Variants in CYTL1 observed in about 807,000 individuals in gnomAD.
CYTL1 encodes the protein cytokine-like protein 1.
In CYTL1, 17 loss-of-function variants were observed where a neutral mutation model predicts 13.1. The ratio of observed to expected loss-of-function variants is 1.29; its 90% confidence interval spans 0.89 to 1.94. The LOEUF is 1.94. CYTL1 is among the 30% of genes most tolerant of loss of function. The probability of loss-of-function intolerance (pLI) is 0.00; values close to 1 mark genes in which losing one functional copy is unlikely to be tolerated. For missense variants in CYTL1, 213 were observed against 174.8 expected (o/e 1.22, Z -1.23); for synonymous variants, 91 against 79.4 (o/e 1.15, Z -0.78).
chr4:5,019,266 C>G (rs774487334), intron 1 of CYTL1, 27 bp downstream of exon 1: 158 of 1,451,708 alleles, frequency 1.1e-4, no homozygotes, highest in Non-Finnish European at 1.4e-4. Context: ...GCCATGCACC[C>G]CTGTCCTGAG....
At chr4:5,017,330 C>A (rs1256269360) in intron 1 of CYTL1, 151 bp from the exon 2 acceptor site, 3 of 623,786 alleles carry the variant, frequency 4.8e-6, no homozygotes, top group Non-Finnish European at 8.1e-6. Context: ...TTGTGTCATA[C>A]GTCACACTCC....
In CYTL1 at chr4:5,015,099, G is replaced by A. The variant is rs1741040794; in HGVS notation, c.*52C>T. On this transcript the variant is annotated 3_prime_UTR_variant, in exon 4 of 4. Transcript: ENST00000307746. ...CATGGCTCTGGCCCATTAAGTCTGG[G>A]TAGCTGACATAACTGTAGTTCTCTT... 10 of 1,466,290 alleles carry A rather than the reference G, an allele frequency of 6.8e-6. No individual in the cohort carries two copies. The highest frequency in any genetic ancestry group is 2.3e-5 in the South Asian group (2 of 86,924). The allele number at this position is 1,466,290 out of a possible 1,614,324, so 90.8% of individuals were successfully genotyped here.
In CYTL1 at chr4:5,015,082, T is replaced by C; in HGVS notation, c.*69A>G. 1.6e-6 allele frequency: 2 copies of C among 1,253,534 alleles called. No individual in the cohort carries two copies. Among genetic ancestry groups the C allele is most frequent in the Non-Finnish European group, 2.3e-6 (2 of 856,264 alleles). 77.7% of individuals were successfully genotyped at this position (1,253,534 alleles called of 1,614,324 possible). A position where few individuals can be genotyped will look rare whatever the true frequency, so the allele number is the denominator to read the frequency against. On this transcript the variant is annotated 3_prime_UTR_variant, in exon 4 of 4. Coordinates refer to ENST00000307746, the MANE Select transcript of CYTL1 (RefSeq NM_018659.3). The stretch of plus-strand genomic sequence containing the variant: ...ACAAGACCTGTGAGGGTCATGGCTC[T>C]GGCCCATTAAGTCTGGGTAGCTGAC...
Position 5,014,658 on chromosome 4 carries a change from C to T in CYTL1, c.*493G>A, listed in dbSNP as rs138662360. ...GAAAGAGTGGGTCCTGTCAGCACTA[C>T]GTAAAATATATATCTTAAGAGCATT... On this transcript the variant is annotated 3_prime_UTR_variant, in exon 4 of 4. Coordinates refer to ENST00000307746, the MANE Select transcript of CYTL1 (RefSeq NM_018659.3). 7.7e-5 allele frequency: 13 copies of T among 169,014 alleles called. No homozygotes were observed. Among genetic ancestry groups the T allele is most frequent in the East Asian group, 1.9e-4 (1 of 5,340 alleles). The allele number at this position is 169,014 out of a possible 1,614,324, so 10.5% of individuals were successfully genotyped here. A position where few individuals can be genotyped will look rare whatever the true frequency, so the allele number is the denominator to read the frequency against.
In CYTL1 at chr4:5,016,943, GC is replaced by G; in HGVS notation, c.219del (p.Lys73AsnfsTer17). 6.2e-7 allele frequency: 1 copy of G among 1,614,230 alleles called. No homozygotes were observed. Among genetic ancestry groups the G allele is most frequent in the Non-Finnish European group, 8.5e-7 (1 of 1,180,038 alleles). On this transcript the variant is annotated frameshift_variant, in exon 3 of 4. Coordinates refer to ENST00000307746, the MANE Select transcript of CYTL1 (RefSeq NM_018659.3). LOFTEE classifies it high-confidence loss of function. Reference sequence around the variant, plus strand: ...GGGGGCGAGGCCACAAAGTCCCGCAGCTTGTCCAGCACACAGTAATTCTGGG... The same window carrying G: ...GGGGGCGAGGCCACAAAGTCCCGCAGTTGTCCAGCACACAGTAATTCTGGG... ...LDIHNYCVLD[K>X]LRDFVASPPC...
chr4:5,018,917 A>T (rs1741133276), intron 1 of CYTL1, among the ~76,000 whole-genome samples: 1 of 151,494 alleles, frequency 6.6e-6, no homozygotes, highest in South Asian at 2.1e-4. Flanking sequence ...CAAAAGCAAT[A>T]CACAAGCTTC....
rs774395590 is a variant in CYTL1, at chr4:5,019,328, G to C, written c.118C>G (p.Arg40Gly). The C allele has an allele frequency of 6.6e-6, 10 of 1,513,460 alleles. No homozygotes were observed. In the South Asian group the frequency reaches 7.7e-5, roughly 12 times the overall value. The allele number at this position is 1,513,460 out of a possible 1,614,324, so 93.8% of individuals were successfully genotyped here. A position where few individuals can be genotyped will look rare whatever the true frequency, so the allele number is the denominator to read the frequency against. The change falls in exon 1 of 4, where the codon CGC (arginine) becomes GGC (glycine). Residue 40 changes from arginine (R) to glycine (G), a missense_variant. Transcript: ENST00000307746. ...RMRALSQEIT[R>G]DFNLLQVSEP... ...GAGACCTGCAGGAGGTTGAAGTCGC[G>C]GGTGATCTCCTGGCTCAGGGCCCGC...
chr4:5,015,001 C>T lies in CYTL1; in HGVS notation c.*150G>A, dbSNP rs1345624472. The T allele has an allele frequency of 4.2e-6, 3 of 716,658 alleles. No homozygotes were observed. Among genetic ancestry groups the T allele is most frequent in the African/African-American group, 1.8e-5 (1 of 56,070 alleles). The allele number at this position is 716,658 out of a possible 1,614,324, so 44.4% of individuals were successfully genotyped here. Reference sequence around the variant, plus strand: ...CAAAGGAGGTTCCTGGGTAGGAATACCAGCCCTGTTTTCCAGAAGGTAGAG... The same window carrying T: ...CAAAGGAGGTTCCTGGGTAGGAATATCAGCCCTGTTTTCCAGAAGGTAGAG... On this transcript the variant is annotated 3_prime_UTR_variant, in exon 4 of 4. Coordinates refer to ENST00000307746, the MANE Select transcript of CYTL1 (RefSeq NM_018659.3).
rs73198523 is a variant in CYTL1, at chr4:5,015,245, T to C, written c.328-11A>G. On this transcript the variant is annotated splice_polypyrimidine_tract_variant and intron_variant, in intron 3 of 3. Transcript: ENST00000307746. ...CAGGAATACCAAATCCTGAAAAAGATGTGCAATGAGCAGGAAAGTTACTGA... is the reference window on the plus strand; with the variant it reads ...CAGGAATACCAAATCCTGAAAAAGACGTGCAATGAGCAGGAAAGTTACTGA... 48,383 of 1,608,490 alleles carry C rather than the reference T, an allele frequency of 0.03. 913 individuals are homozygous for C. The highest frequency in any genetic ancestry group is 0.047 in the South Asian group (4,277 of 90,150).
chr4:5,017,738 A>G (rs536067844), intron 1 of CYTL1, among the ~76,000 whole-genome samples: 2 of 152,146 alleles, frequency 1.3e-5, no homozygotes, highest in East Asian at 1.9e-4. Context: ...AATAATACCT[A>G]TTGTTCTATA....
chr4:5,019,286 G>C lies in CYTL1; in HGVS notation c.153+7C>G. The stretch of plus-strand genomic sequence containing the variant: ...GCACCCCTGTCCTGAGCGGGCGGGG[G>C]ACTCACCGAGGGCTCCGAGACCTGC... On this transcript the variant is annotated splice_region_variant and intron_variant, in intron 1 of 3. Transcript: ENST00000307746. 6.8e-7 allele frequency: 1 copy of C among 1,479,406 alleles called. No homozygotes were observed. The allele number at this position is 1,479,406 out of a possible 1,614,324, so 91.6% of individuals were successfully genotyped here. A position where few individuals can be genotyped will look rare whatever the true frequency, so the allele number is the denominator to read the frequency against.
intron 3 of CYTL1, among the ~76,000 whole-genome samples, chr4:5,016,024 G>A (rs968427763): frequency 2.6e-5 from 4 of 152,214 alleles, no homozygotes; most frequent in Admixed American, 2.6e-4. Flanking sequence ...CTCTGCCTTT[G>A]TAGGTGAATT....
At chr4:5,017,834 A>C (rs1050376708) in intron 1 of CYTL1, among the ~76,000 whole-genome samples, 1 of 152,188 alleles carries the variant, frequency 6.6e-6, no homozygotes, top group Admixed American at 6.5e-5. Context: ...TTATATTTCT[A>C]TATTGGGCTT....
chr4:5,015,049 C>T lies in CYTL1; in HGVS notation c.*102G>A. On this transcript the variant is annotated 3_prime_UTR_variant, in exon 4 of 4. Coordinates refer to ENST00000307746, the MANE Select transcript of CYTL1 (RefSeq NM_018659.3). ...GAGAGATACATAACAGTTTCAGATA[C>T]AACTAACACAAGACCTGTGAGGGTC... is the stretch of plus-strand genomic sequence containing the variant. 1.0e-6 allele frequency: 1 copy of T among 953,424 alleles called. No individual in the cohort carries two copies. The highest frequency in any genetic ancestry group is 1.7e-6 in the Non-Finnish European group (1 of 596,238). 59.1% of individuals were successfully genotyped at this position (953,424 alleles called of 1,614,324 possible).
chr4:5,017,873 AGCCCTCGTGCTCT>A (rs1322201347), intron 1 of CYTL1, among the ~76,000 whole-genome samples: 1 of 152,194 alleles, frequency 6.6e-6, no homozygotes, highest in Non-Finnish European at 1.5e-5. Context: ...GAAGGGCAAA[AGCCCTCGTGCTCT>A]GCCCTCTCAG....
At chr4:5,018,301 T>C (rs1054659468) in intron 1 of CYTL1, among the ~76,000 whole-genome samples, 11 of 152,200 alleles carry the variant, frequency 7.2e-5, no homozygotes, top group Non-Finnish European at 1.5e-4. Flanking sequence ...CAGCTACCTC[T>C]AGGTGGTAGA....
rs760735973 is a variant in CYTL1, at chr4:5,019,356, G to A, written c.90C>T (p.Arg30=). 4 of 1,513,822 alleles carry A rather than the reference G, an allele frequency of 2.6e-6. No homozygotes were observed. The Admixed American group carries it at 7.6e-5, about 29-fold the overall frequency. The allele number at this position is 1,513,822 out of a possible 1,614,324, so 93.8% of individuals were successfully genotyped here. A position where few individuals can be genotyped will look rare whatever the true frequency, so the allele number is the denominator to read the frequency against. Residue 30 remains arginine, a synonymous_variant, in exon 1 of 4, where the codon CGC becomes CGT. Transcript: ENST00000307746. ...ARPTPPTCYS[R]MRALSQEITR... ...TGATCTCCTGGCTCAGGGCCCGCAT[G>A]CGGGAGTAGCAGGTCGGGGGAGTGG...
At chr4:5,015,385 A>T (rs574652411) in intron 3 of CYTL1, 151 bp from the exon 4 acceptor site, 1 of 609,590 alleles carries the variant, frequency 1.6e-6, no homozygotes, top group South Asian at 2.1e-5. Flanking sequence ...AAAAAGGGCT[A>T]GTCACTTCTT....
intron 3 of CYTL1, among the ~76,000 whole-genome samples, chr4:5,016,494 G>T (rs933613816): frequency 6.6e-6 from 1 of 152,018 alleles, no homozygotes; most frequent in South Asian, 2.1e-4. Context: ...CTCTCCTACC[G>T]GAATCCTCTT....
Sources: allele counts gnomAD v4.1 joint callset (sites outside exome capture counted in the v4.1 genomes callset), GRCh38; gene constraint gnomAD v4.1.1; transcripts MANE v1.5; gene names NCBI Gene and HGNC (gene_info 2026-07-23, HGNC 2026-07-21).